Variants in TAPT1 observed in about 807,000 individuals in gnomAD.
TAPT1 encodes the protein transmembrane anterior posterior transformation protein 1 homolog.
In TAPT1, 28 loss-of-function variants were observed where a neutral mutation model predicts 65.6. The observed-to-expected ratio is 0.43, with a 90% CI of 0.32 to 0.59. The LOEUF (loss-of-function observed/expected upper bound fraction) is 0.59. Among genes scored for constraint, TAPT1 ranks in the 20% least tolerant of loss-of-function variants. The probability of loss-of-function intolerance (pLI) is 0.09; values close to 1 mark genes in which losing one functional copy is unlikely to be tolerated. For missense variants in TAPT1, 563 were observed against 679.9 expected, an observed-to-expected ratio of 0.83 and a Z score of 1.91; for synonymous variants, 278 against 245.2, an observed-to-expected ratio of 1.13 and a Z score of -1.25.
rs552688239 is a variant in TAPT1, at chr4:16,224,656, A to T, written c.199+1603T>A. Among the ~76,000 whole-genome samples, 4 of 152,328 alleles carry T rather than the reference A, an allele frequency of 2.6e-5. No homozygotes were observed. The South Asian group carries it at 8.3e-4, about 32-fold the overall frequency. On this transcript the variant is annotated intron_variant, in intron 1 of 13. Coordinates refer to ENST00000405303, the MANE Select transcript of TAPT1 (RefSeq NM_153365.3). ...AGCTAAACCTGGAGGCATCTCCCTGATAATGACTTCCTGCAACTATGGGTT... is the reference window on the plus strand; with the variant it reads ...AGCTAAACCTGGAGGCATCTCCCTGTTAATGACTTCCTGCAACTATGGGTT...
chr4:16,176,196 T>A lies in TAPT1; in HGVS notation c.1030A>T (p.Met344Leu). The change falls in exon 9 of 14, where the codon ATG becomes TTG. Residue 344 changes from methionine (M) to leucine (L), a missense_variant. Transcript: ENST00000405303. ...ACGGCAATTTCTGATGCAATTACCA[T>A]ACAGACATCTGGAAACAACACCCAG... ...HLWVLFPDVC[M>L]VIASEIAVDI... 1 of 1,572,198 alleles carries A rather than the reference T, an allele frequency of 6.4e-7. No homozygotes were observed. Among genetic ancestry groups the A allele is most frequent in the Non-Finnish European group, 8.6e-7 (1 of 1,158,592 alleles).
Position 16,174,693 on chromosome 4 carries a change from G to A in TAPT1, c.1144C>T (p.Leu382Phe). 1.3e-6 allele frequency: 2 copies of A among 1,593,612 alleles called. No homozygotes were observed. Among genetic ancestry groups the A allele is most frequent in the Non-Finnish European group, 1.7e-6 (2 of 1,169,554 alleles). Reference protein sequence around the residue: ...SEYRASLAFDLVSSRQKNAYT... With the variant: ...SEYRASLAFDFVSSRQKNAYT... Reference sequence around the variant, plus strand: ...ACATTTTTCTGTCGGCTGCTAACAAGGTCAAAAGCAAGACTGGCTCTATAT... The same window carrying A: ...ACATTTTTCTGTCGGCTGCTAACAAAGTCAAAAGCAAGACTGGCTCTATAT... The change falls in exon 10 of 14, where the codon CTT becomes TTT. Residue 382 changes from leucine to phenylalanine, a missense_variant. Around this residue, in one of 5 missense-constraint regions of TAPT1, gnomAD observed 104 missense variants for 102.5 expected, o/e 1.01. Coordinates refer to ENST00000405303, the MANE Select transcript of TAPT1 (RefSeq NM_153365.3).
intron 7 of TAPT1, 116 bp from the exon 8 acceptor site, chr4:16,179,773 T>G: frequency 2.0e-6 from 1 of 505,936 alleles, no homozygotes; most frequent in Non-Finnish European, 3.4e-6. Context: ...TATAAATGTC[T>G]ATAAATATAC....
In TAPT1 at chr4:16,176,223, G is replaced by A; in HGVS notation, c.1003C>T (p.Leu335Phe). The stretch of plus-strand genomic sequence containing the variant: ...CAGACATCTGGAAACAACACCCAGA[G>A]ATGATCTGTAAATAGAAAAAAGAAA... ...MEQFSWNPDH[L>F]WVLFPDVCMV... Residue 335 changes from leucine (L) to phenylalanine (F), a missense_variant, in exon 9 of 14, where the codon CTC (leucine) becomes TTC (phenylalanine). By Grantham distance (22) the Leu-to-Phe change is conservative. This residue lies in a region of TAPT1 where 217 missense variants were observed against 317.5 expected (regional missense o/e 0.68). Transcript: ENST00000405303. The A allele has an allele frequency of 6.5e-7, 1 of 1,528,908 alleles. No homozygotes were observed. The highest frequency in any genetic ancestry group is 8.8e-7 in the Non-Finnish European group (1 of 1,130,832). 94.7% of individuals were successfully genotyped at this position (1,528,908 alleles called of 1,614,324 possible). A position where few individuals can be genotyped will look rare whatever the true frequency, so the allele number is the denominator to read the frequency against.
intron 13 of TAPT1, among the ~76,000 whole-genome samples, chr4:16,165,140 C>T (rs901018677): frequency 6.6e-6 from 1 of 152,166 alleles, no homozygotes; most frequent in South Asian, 2.1e-4. Flanking sequence ...AAGAACCCCC[C>T]TCTCCTGTCC....
intron 3 of TAPT1, among the ~76,000 whole-genome samples, chr4:16,193,804 A>T (rs903385225): frequency 6.6e-6 from 1 of 152,212 alleles, no homozygotes; most frequent in Non-Finnish European, 1.5e-5. Flanking sequence ...GTCACACATC[A>T]TCAACAGTCA....
At chr4:16,165,122 T>C (rs1747509825) in intron 13 of TAPT1, among the ~76,000 whole-genome samples, 2 of 152,142 alleles carry the variant, frequency 1.3e-5, no homozygotes, top group Non-Finnish European at 2.9e-5. Flanking sequence ...TTCAAGCTTT[T>C]AGTTTAGAAG....
chr4:16,220,177 T>C (rs188335069), intron 1 of TAPT1, among the ~76,000 whole-genome samples: 2 of 152,358 alleles, frequency 1.3e-5, no homozygotes, highest in East Asian at 1.9e-4. Context: ...ATCTGTCCTA[T>C]AATTTTGGCT....
At chr4:16,194,192 T>G (rs1306506345) in intron 3 of TAPT1, among the ~76,000 whole-genome samples, 1 of 152,216 alleles carries the variant, frequency 6.6e-6, no homozygotes, top group Non-Finnish European at 1.5e-5. Flanking sequence ...ATACCACACT[T>G]TTTGAACCAA....
chr4:16,174,034 T>A (rs1748170017), intron 11 of TAPT1, among the ~76,000 whole-genome samples, 170 bp downstream of exon 11: 1 of 152,232 alleles, frequency 6.6e-6, no homozygotes, highest in Admixed American at 6.5e-5. Context: ...CCAATAGATA[T>A]TTGGATATAT....
At chr4:16,186,196 G>A (rs1749007394) in intron 7 of TAPT1, among the ~76,000 whole-genome samples, 1 of 152,198 alleles carries the variant, frequency 6.6e-6, no homozygotes, top group Non-Finnish European at 1.5e-5. Flanking sequence ...AGTTCTCCTA[G>A]AAGCTATGTG....
At position 16,174,189 on chromosome 4, in the gene TAPT1, A is replaced by G; in HGVS notation, c.1236+15T>C. 6.3e-7 allele frequency: 1 copy of G among 1,578,794 alleles called. No homozygotes were observed. The highest frequency in any genetic ancestry group is 1.2e-5 in the South Asian group (1 of 85,044). ...GCTACTTTGTTACAAAAAACATTAA[A>G]AAGTATGCACTTACTAAAACAGCTA... On this transcript the variant is annotated intron_variant, in intron 11 of 13. Transcript: ENST00000405303.
At chr4:16,208,410 T>C (rs1324748814) in intron 2 of TAPT1, among the ~76,000 whole-genome samples, 2 of 152,246 alleles carry the variant, frequency 1.3e-5, no homozygotes, top group South Asian at 2.1e-4. Context: ...GGAATGGCTA[T>C]GTAGCTCAGT....
chr4:16,173,801 G>A (rs1748156012), intron 11 of TAPT1, among the ~76,000 whole-genome samples: 1 of 152,136 alleles, frequency 6.6e-6, no homozygotes, highest in Admixed American at 6.5e-5. Context: ...GAAATGAAAT[G>A]ACTGAATTAA....
Position 16,174,710 on chromosome 4 carries a change from G to T in TAPT1, c.1127C>A (p.Ala376Asp), listed in dbSNP as rs1226712701. ...GCTAACAAGGTCAAAAGCAAGACTGGCTCTATATTCACTGTAGACCTAAAA... is the reference window on the plus strand; with the variant it reads ...GCTAACAAGGTCAAAAGCAAGACTGTCTCTATATTCACTGTAGACCTAAAA... The part of the protein sequence containing the change: ...ITADVYSEYR[A>D]SLAFDLVSSR... The change falls in exon 10 of 14, where the codon GCC becomes GAC. Residue 376 changes from alanine to aspartate, a missense_variant. Transcript: ENST00000405303. 6.3e-7 allele frequency: 1 copy of T among 1,591,020 alleles called. No individual in the cohort carries two copies.
At chr4:16,188,484 T>G in intron 4 of TAPT1, 129 bp from the exon 5 acceptor site, 3 of 655,484 alleles carry the variant, frequency 4.6e-6, no homozygotes, top group Non-Finnish European at 7.3e-6. Context: ...TAAAGAGGAG[T>G]GAGGATCTTT....
At chr4:16,177,761 T>C (rs1035819449) in intron 8 of TAPT1, among the ~76,000 whole-genome samples, 1 of 152,164 alleles carries the variant, frequency 6.6e-6, no homozygotes, top group Non-Finnish European at 1.5e-5. Context: ...AGTGCTGTTT[T>C]TATGTTCCTC....
At chr4:16,201,920 A>G (rs759053669) in intron 3 of TAPT1, among the ~76,000 whole-genome samples, 1 of 152,170 alleles carries the variant, frequency 6.6e-6, no homozygotes. Flanking sequence ...CGTGGGGACA[A>G]TGGTCTTCCA....
At chr4:16,191,685 C>T (rs1436295536) in intron 3 of TAPT1, among the ~76,000 whole-genome samples, 162 bp from the exon 4 acceptor site, 1 of 152,074 alleles carries the variant, frequency 6.6e-6, no homozygotes, top group Non-Finnish European at 1.5e-5. Context: ...AATGACTACT[C>T]GACAGTGTAA....
Sources: allele counts gnomAD v4.1 joint callset (sites outside exome capture counted in the v4.1 genomes callset), GRCh38; gene constraint gnomAD v4.1.1; regional missense constraint gnomAD v4.1.1; transcripts MANE v1.5; gene names NCBI Gene and HGNC (gene_info 2026-07-23, HGNC 2026-07-21).